Variants in BBS9 observed in about 807,000 individuals in gnomAD.
The protein encoded by BBS9 is Bardet-Biedl syndrome 9.
BBS9 carries 89 observed loss-of-function variants against 117.7 expected under a neutral mutation model. The ratio of observed to expected loss-of-function variants is 0.76; its 90% CI spans 0.64 to 0.90. BBS9 has a LOEUF of 0.90. BBS9 is among the 40% of genes least tolerant of loss of function. BBS9 has a pLI of 0.00. For synonymous variants in BBS9, 379 were observed against 370.9 expected, an observed-to-expected ratio of 1.02 and a Z score of -0.25; for missense variants, 982 against 1,042.2, an observed-to-expected ratio of 0.94 and a Z score of 0.80.
At chr7:33,618,908 G>A (rs996342892) in intron 21 of BBS9, among the ~76,000 whole-genome samples, 8 of 151,936 alleles carry the variant, frequency 5.3e-5, no homozygotes, top group African/African-American at 1.9e-4. Context: ...TTACCACTAT[G>A]AAAAAAATTA....
At chr7:33,141,065 C>T (rs1295131310) in intron 1 of BBS9, among the ~76,000 whole-genome samples, 3 of 152,160 alleles carry the variant, frequency 2.0e-5, no homozygotes, top group South Asian at 2.1e-4. Flanking sequence ...TCAAAACCAT[C>T]AAATTTGTTT....
chr7:33,190,258 C>T (rs984116595), intron 5 of BBS9, among the ~76,000 whole-genome samples: 1 of 151,794 alleles, frequency 6.6e-6, no homozygotes, highest in Non-Finnish European at 1.5e-5. Context: ...CAGCTGGGTC[C>T]ACAGGCACCC....
At position 33,278,298 on chromosome 7, in the gene BBS9, C is replaced by A. The variant is rs539428278; in HGVS notation, c.1016+4342C>A. Among the ~76,000 whole-genome samples, 4 of 152,250 alleles carry A rather than the reference C, an allele frequency of 2.6e-5. No homozygotes were observed. In the East Asian group the frequency reaches 7.7e-4, roughly 29 times the overall value. ...GGGGGCATAGTTGTGGTATGGGTTGCCCCTAGGGTAAGAGGAGTGGAACTG... is the reference window on the plus strand; with the variant it reads ...GGGGGCATAGTTGTGGTATGGGTTGACCCTAGGGTAAGAGGAGTGGAACTG... On this transcript the variant is annotated intron_variant, in intron 9 of 22. Coordinates refer to ENST00000242067, the MANE Select transcript of BBS9 (RefSeq NM_198428.3).
intron 19 of BBS9, among the ~76,000 whole-genome samples, chr7:33,435,121 A>G (rs1835105455): frequency 6.6e-6 from 1 of 152,174 alleles, no homozygotes; most frequent in African/African-American, 2.4e-5. Context: ...TATAATAAAT[A>G]CCGCATGTTG....
chr7:33,487,639 C>T (rs1843299428), intron 19 of BBS9, among the ~76,000 whole-genome samples: 1 of 152,200 alleles, frequency 6.6e-6, no homozygotes, highest in Non-Finnish European at 1.5e-5. Flanking sequence ...GGCTTTGCTG[C>T]TGGAGGAAGA....
intron 19 of BBS9, among the ~76,000 whole-genome samples, chr7:33,460,939 TA>T (rs1179256698): frequency 6.6e-6 from 1 of 152,082 alleles, no homozygotes; most frequent in African/African-American, 2.4e-5. Context: ...GTTCTCTCTC[TA>T]TGGATTTATC....
At chr7:33,401,829 A>AG (rs1563122720) in intron 19 of BBS9, among the ~76,000 whole-genome samples, 1 of 152,102 alleles carries the variant, frequency 6.6e-6, no homozygotes, top group Non-Finnish European at 1.5e-5. Flanking sequence ...CAGAATGTAG[A>AG]TTTTTTTCCC....
chr7:33,395,085 G>T (rs888426797), intron 19 of BBS9, among the ~76,000 whole-genome samples: 1 of 152,268 alleles, frequency 6.6e-6, no homozygotes, highest in Non-Finnish European at 1.5e-5. Context: ...AAATGTGTGC[G>T]AACTGTTTGT....
At chr7:33,529,110 C>T (rs1309567754) in intron 20 of BBS9, among the ~76,000 whole-genome samples, 1 of 152,132 alleles carries the variant, frequency 6.6e-6, no homozygotes, top group Non-Finnish European at 1.5e-5. Context: ...AAGGCCAGGT[C>T]CTTGAATTTA....
intron 19 of BBS9, among the ~76,000 whole-genome samples, chr7:33,503,822 C>G (rs931444020): frequency 6.6e-6 from 1 of 152,034 alleles, no homozygotes; most frequent in African/African-American, 2.4e-5. Flanking sequence ...GAACACGATT[C>G]CAGGTGTTTT....
intron 16 of BBS9, among the ~76,000 whole-genome samples, chr7:33,365,668 C>T (rs1345782982): frequency 6.6e-6 from 1 of 152,200 alleles, no homozygotes; most frequent in Non-Finnish European, 1.5e-5. Flanking sequence ...GAGCCAAGTC[C>T]TGAAGCATGG....
At chr7:33,345,890 AC>A (rs1817504594) in intron 12 of BBS9, among the ~76,000 whole-genome samples, 1 of 152,080 alleles carries the variant, frequency 6.6e-6, no homozygotes, top group Non-Finnish European at 1.5e-5. Flanking sequence ...TGCTAATTGT[AC>A]CCCCAGCCAA....
intron 4 of BBS9, among the ~76,000 whole-genome samples, chr7:33,162,412 T>A (rs1795000369): frequency 6.6e-6 from 1 of 152,164 alleles, no homozygotes; most frequent in Non-Finnish European, 1.5e-5. Context: ...ATCTATAAAT[T>A]ACCTTGGGCA....
chr7:33,489,390 A>G (rs948922231), intron 19 of BBS9, among the ~76,000 whole-genome samples: 12 of 150,026 alleles, frequency 8.0e-5, no homozygotes, highest in African/African-American at 3.0e-4. Context: ...TAGAAGGAAA[A>G]CTTGGATATT....
chr7:33,634,889 G>C (rs6976435), intron 21 of BBS9, among the ~76,000 whole-genome samples: 147,927 of 152,296 alleles, frequency 0.97, 71,939 homozygotes, highest in East Asian at 1. Context: ...GGCTTAGTCC[G>C]GAGTGTGGGG....
At chr7:33,527,094 A>T (rs1214458237) in intron 20 of BBS9, among the ~76,000 whole-genome samples, 1 of 151,948 alleles carries the variant, frequency 6.6e-6, no homozygotes, top group African/African-American at 2.4e-5. Context: ...TTGAGGAGGC[A>T]GTCTGCCTCT....
intron 19 of BBS9, among the ~76,000 whole-genome samples, chr7:33,434,513 T>C (rs1835013326): frequency 6.6e-6 from 1 of 152,126 alleles, no homozygotes; most frequent in Non-Finnish European, 1.5e-5. Context: ...TATTGCTAGA[T>C]CCTGTAGCTA....
chr7:33,499,827 G>A (rs1845201558), intron 19 of BBS9, among the ~76,000 whole-genome samples: 1 of 152,076 alleles, frequency 6.6e-6, no homozygotes, highest in Non-Finnish European at 1.5e-5. Flanking sequence ...GGTTAGCACA[G>A]CCCCTGGCTC....
chr7:33,581,095 T>TGTGA (rs1231646971), intron 21 of BBS9, among the ~76,000 whole-genome samples: 7 of 149,134 alleles, frequency 4.7e-5, no homozygotes, highest in African/African-American at 1.5e-4. Context: ...TGTGTGTGTG[T>TGTGA]GAGAGAGAGA....
Sources: allele counts gnomAD v4.1 joint callset (sites outside exome capture counted in the v4.1 genomes callset), GRCh38; gene constraint gnomAD v4.1.1; transcripts MANE v1.5; gene names NCBI Gene and HGNC (gene_info 2026-07-23, HGNC 2026-07-21).